NIPAL3: variants seen among roughly 807,000 people sequenced by gnomAD.
The protein encoded by NIPAL3 is NIPA like domain containing 3, also known as NIPA-like protein 3.
Under a neutral mutation model 47.2 loss-of-function variants are expected in NIPAL3, and 41 were observed. The observed-to-expected ratio is 0.87, with a 90% confidence interval of 0.68 to 1.13. The LOEUF (loss-of-function observed/expected upper bound fraction) is 1.13. Among genes scored for constraint, NIPAL3 ranks in the 50% most tolerant of loss-of-function variants. The probability of loss-of-function intolerance (pLI) is 0.00; values close to 1 mark genes in which losing one functional copy is unlikely to be tolerated. For synonymous variants in NIPAL3, 194 were observed against 209.6 expected (o/e 0.93, Z 0.64); for missense variants, 449 against 530.1 (o/e 0.85, Z 1.50).
At position 24,441,612 on chromosome 1, in the gene NIPAL3, AAC is replaced by A. The variant is rs71761049; in HGVS notation, c.163-437_163-436del. Reference sequence around the variant, plus strand: ...CATGTAGACAGGAAGGAGTGTGCCGAACACACAGTCATCCAAACGTGGGGAAT... The same window carrying A: ...CATGTAGACAGGAAGGAGTGTGCCGAACACAGTCATCCAAACGTGGGGAAT... On this transcript the variant is annotated intron_variant, in intron 3 of 11. Transcript: ENST00000374399. 3.3e-3 allele frequency among the ~76,000 whole-genome samples: 497 copies of A among 152,290 alleles called. 23 individuals are homozygous for A. In the East Asian group the frequency reaches 0.071, roughly 22 times the overall value.
chr1:24,471,435 G>A lies in NIPAL3; in HGVS notation c.*2250G>A, dbSNP rs1646897557. 1 of 152,790 alleles carries A rather than the reference G, an allele frequency of 6.5e-6. No individual in the cohort carries two copies. Among genetic ancestry groups the A allele is most frequent in the African/African-American group, 2.4e-5 (1 of 41,408 alleles). The allele number at this position is 152,790 out of a possible 1,614,324, so 9.5% of individuals were successfully genotyped here. A position where few individuals can be genotyped will look rare whatever the true frequency, so the allele number is the denominator to read the frequency against. ...CTAAAAATTAAAAATAAATAAATTA[G>A]CTGGGTGTGGTGGTGCATGCCTGTG... On this transcript the variant is annotated 3_prime_UTR_variant, in exon 12 of 12. Coordinates refer to ENST00000374399, the MANE Select transcript of NIPAL3 (RefSeq NM_020448.5).
In NIPAL3 at chr1:24,456,157, A is replaced by G; in HGVS notation, c.657A>G (p.Thr219=). The change falls in exon 8 of 12, where the codon ACA becomes ACG. Residue 219 remains threonine (T), a synonymous_variant. Transcript: ENST00000374399. ...VALLGSMTVV[T]VKAVAGMLVL... is the part of the protein sequence containing the mutation. ...CTGCAGGCTCCATGACAGTGGTGACAGTCAAGGCCGTGGCTGGGATGCTTG... is the reference window on the plus strand; with the variant it reads ...CTGCAGGCTCCATGACAGTGGTGACGGTCAAGGCCGTGGCTGGGATGCTTG... The G allele has an allele frequency of 6.2e-7, 1 of 1,614,232 alleles. No homozygotes were observed. Among genetic ancestry groups the G allele is most frequent in the Non-Finnish European group, 8.5e-7 (1 of 1,180,044 alleles).
intron 2 of NIPAL3, among the ~76,000 whole-genome samples, chr1:24,421,127 G>A (rs944867320): frequency 2.5e-4 from 38 of 151,880 alleles, no homozygotes; most frequent in African/African-American, 6.3e-4. Context: ...AGACCAGCCC[G>A]GGCAAACATG....
intron 11 of NIPAL3, among the ~76,000 whole-genome samples, chr1:24,467,188 G>C (rs554050843): frequency 4.6e-5 from 7 of 152,202 alleles, no homozygotes; most frequent in Non-Finnish European, 8.8e-5. Flanking sequence ...TTCCGGCCAG[G>C]CACGGTGGCT....
intron 2 of NIPAL3, among the ~76,000 whole-genome samples, chr1:24,424,888 T>C (rs1383576029): frequency 2.0e-5 from 3 of 152,170 alleles, no homozygotes; most frequent in African/African-American, 7.2e-5. Flanking sequence ...GCAACTCATC[T>C]CTTACCTTTG....
chr1:24,467,726 A>G (rs1646758751), intron 11 of NIPAL3, among the ~76,000 whole-genome samples: 1 of 152,144 alleles, frequency 6.6e-6, no homozygotes, highest in African/African-American at 2.4e-5. Flanking sequence ...TGTTACTGTT[A>G]CTATTTAAAG....
intron 6 of NIPAL3, among the ~76,000 whole-genome samples, chr1:24,453,081 G>A (rs544346110): frequency 1.3e-5 from 2 of 152,186 alleles, no homozygotes; most frequent in Admixed American, 1.3e-4. Context: ...GATGCCCATG[G>A]AGCAGTGGAG....
At chr1:24,447,173 G>A (rs552433643) in intron 5 of NIPAL3, among the ~76,000 whole-genome samples, 12 of 152,290 alleles carry the variant, frequency 7.9e-5, no homozygotes, top group Admixed American at 2.0e-4. Flanking sequence ...GAGATTCTGC[G>A]CTCTGGGCTG....
chr1:24,467,481 AAAAT>A lies in NIPAL3; in HGVS notation c.1022-1493_1022-1490del, dbSNP rs956603252. On this transcript the variant is annotated intron_variant, in intron 11 of 11. Coordinates refer to ENST00000374399, the MANE Select transcript of NIPAL3 (RefSeq NM_020448.5). ...GACAGAGTGAGACTCCGTCTCAAAA[AAAAT>A]AAATAAATAAAAAGTATGGACTTCC... is the stretch of plus-strand genomic sequence containing the variant. 1.9e-3 allele frequency among the ~76,000 whole-genome samples: 293 copies of A among 152,002 alleles called. 1 individual carries two copies. Among genetic ancestry groups the A allele is most frequent in the Middle Eastern group, 0.01 (3 of 294 alleles).
Position 24,449,649 on chromosome 1 carries a change from C to A in NIPAL3, c.540+23C>A. The A allele has an allele frequency of 6.2e-7, 1 of 1,604,414 alleles. No homozygotes were observed. Among genetic ancestry groups the A allele is most frequent in the South Asian group, 1.1e-5 (1 of 90,602 alleles). On this transcript the variant is annotated intron_variant, in intron 6 of 11. Transcript: ENST00000374399. The surrounding 1 kb of genome is among the most constrained non-coding windows in gnomAD (Gnocchi z 4.5). ...ATGGTAAGAGAAGCCTCCAGTCGTT[C>A]CCCCTGAGATGGCAGGAGGGAGATC...
rs1213863573 is a variant in NIPAL3 at position 24,472,786 on chromosome 1, T to C, written c.*3601T>C. On this transcript the variant is annotated 3_prime_UTR_variant, in exon 12 of 12. Coordinates refer to ENST00000374399, the MANE Select transcript of NIPAL3 (RefSeq NM_020448.5). ...CCAAAGCTGTTTCAACACTGGCTGA[T>C]AGGCAGACAAAAGGTTACTTGTGTG... is the stretch of plus-strand genomic sequence containing the variant. 6.6e-6 allele frequency: 1 copy of C among 152,134 alleles called. No individual in the cohort carries two copies. Among genetic ancestry groups the C allele is most frequent in the African/African-American group, 2.4e-5 (1 of 41,414 alleles). 9.4% of individuals were successfully genotyped at this position (152,134 alleles called of 1,614,324 possible).
chr1:24,419,565 C>T lies in NIPAL3; in HGVS notation c.18C>T (p.Ser6=), dbSNP rs749273872. 3.0e-5 allele frequency: 49 copies of T among 1,613,670 alleles called. No homozygotes were observed. Among genetic ancestry groups the T allele is most frequent in the Non-Finnish European group, 1.4e-5 (16 of 1,179,888 alleles). Residue 6 remains serine (S), a synonymous_variant, in exon 2 of 12, where the codon AGC becomes AGT. Transcript: ENST00000374399. ...AGACCACCATGGACGGATCCCACAG[C>T]GCAGCCCTGAAGCTGCAGCAGCTGC... The part of the protein sequence containing the change: MDGSH[S]AALKLQQLPP...
Position 24,449,554 on chromosome 1 carries a change from C to T in NIPAL3, c.468C>T (p.Pro156=). ...CCTACCTGCTGGTGACATTCGCACC[C>T]AACAGTCACGAGAAGATGACAGGCG... ...VGTYLLVTFA[P]NSHEKMTGEN... is the part of the protein sequence containing the mutation. The change falls in exon 6 of 12, where the codon CCC becomes CCT. Residue 156 remains proline, a synonymous_variant. Coordinates refer to ENST00000374399, the MANE Select transcript of NIPAL3 (RefSeq NM_020448.5). The surrounding 1 kb of genome is among the most constrained non-coding windows in gnomAD (Gnocchi z 4.5). 6.2e-7 allele frequency: 1 copy of T among 1,614,044 alleles called. No individual in the cohort carries two copies. Among genetic ancestry groups the T allele is most frequent in the South Asian group, 1.1e-5 (1 of 91,070 alleles).
intron 9 of NIPAL3, among the ~76,000 whole-genome samples, chr1:24,459,844 A>T (rs1322331857): frequency 6.6e-6 from 1 of 152,234 alleles, no homozygotes; most frequent in Non-Finnish European, 1.5e-5. Context: ...ACCATGGTTG[A>T]GTGAGAACAG....
At chr1:24,413,770 G>A (rs1643870603), upstream of NIPAL3, 1 of 152,272 alleles carries the variant, frequency 6.6e-6, no homozygotes, top group Admixed American at 6.5e-5. Context: ...TCCGCCGTCC[G>A]CGAGGTAACT....
chr1:24,443,490 G>A (rs1326372455), intron 4 of NIPAL3, among the ~76,000 whole-genome samples: 1 of 152,180 alleles, frequency 6.6e-6, no homozygotes, highest in African/African-American at 2.4e-5. Context: ...CTCCCTTGCT[G>A]TGCTCAAGGC....
intron 8 of NIPAL3, among the ~76,000 whole-genome samples, chr1:24,458,108 G>A (rs1425484262): frequency 4.6e-5 from 7 of 152,196 alleles, no homozygotes; most frequent in African/African-American, 1.7e-4. Flanking sequence ...TCACGGCCCT[G>A]GCTGGGGGAC....
At chr1:24,457,834 G>A (rs1376986368) in intron 8 of NIPAL3, 1 of 532,900 alleles carries the variant, frequency 1.9e-6, no homozygotes, top group Admixed American at 1.9e-5. Flanking sequence ...GAAATGCCCG[G>A]TAAACATGAG....
At chr1:24,456,069 C>T (rs1302373380) in intron 7 of NIPAL3, 69 bp from the exon 8 acceptor site, 24 of 1,589,460 alleles carry the variant, frequency 1.5e-5, no homozygotes, top group Non-Finnish European at 2.0e-5. Context: ...GGGTTATAGA[C>T]TGGCTTTCCG....
Sources: gnomAD v4.1 joint callset for allele counts (sites outside exome capture counted in the v4.1 genomes callset) on GRCh38, gnomAD v4.1.1 for gene constraint, Gnocchi (gnomAD v3.1) non-coding constraint, MANE v1.5 for transcripts, NCBI Gene and HGNC (gene_info 2026-07-23, HGNC 2026-07-21) for gene names.